The following CALN1 variants were observed in gnomAD, a reference collection of about 807,000 sequenced individuals.
CALN1 encodes calcium-binding protein 8.
In CALN1, 17 loss-of-function variants were observed where a neutral mutation model predicts 30.6. The ratio of observed to expected loss-of-function variants is 0.56; its 90% CI spans 0.38 to 0.83. CALN1 has a LOEUF of 0.83. Among genes scored for constraint, CALN1 ranks in the 40% least tolerant of loss-of-function variants. The pLI is 0.00. For missense variants in CALN1, 291 were observed against 354.9 expected, an observed-to-expected ratio of 0.82 and a Z score of 1.45; for synonymous variants, 156 against 131.4, an observed-to-expected ratio of 1.19 and a Z score of -1.28.
chr7:71,961,234 C>G (rs1797233132), intron 5 of CALN1, among the ~76,000 whole-genome samples: 1 of 152,202 alleles, frequency 6.6e-6, no homozygotes, highest in South Asian at 2.1e-4. Flanking sequence ...CATTTATTCA[C>G]AATGCCAGGA....
chr7:72,441,685 G>C (rs1808350088), intron 1 of CALN1, among the ~76,000 whole-genome samples: 1 of 151,816 alleles, frequency 6.6e-6, no homozygotes, highest in Non-Finnish European at 1.5e-5. Context: ...GTACAAACAG[G>C]GCGAATCGTC....
intron 5 of CALN1, among the ~76,000 whole-genome samples, chr7:71,896,527 G>A (rs553861440): frequency 1.3e-5 from 2 of 152,272 alleles, no homozygotes; most frequent in East Asian, 1.9e-4. Flanking sequence ...AATAAACACC[G>A]AAATTAGATG....
chr7:72,440,123 T>C (rs68012311), intron 1 of CALN1, among the ~76,000 whole-genome samples: 45,502 of 152,052 alleles, frequency 0.3, 7,644 homozygotes, highest in African/African-American at 0.45. Context: ...ATTCCCAAAA[T>C]AGTTTAAAAC....
intron 2 of CALN1, among the ~76,000 whole-genome samples, chr7:72,319,630 T>A (rs1800733155): frequency 6.6e-6 from 1 of 152,172 alleles, no homozygotes. Context: ...GGCCATTATC[T>A]GTAAGTGAAA....
intron 3 of CALN1, among the ~76,000 whole-genome samples, chr7:72,209,103 A>C (rs1297464493): frequency 2.0e-5 from 2 of 101,774 alleles, no homozygotes; most frequent in African/African-American, 4.0e-5. Context: ...TTCTTGTGTC[A>C]TTTCTCTCTT....
intron 1 of CALN1, among the ~76,000 whole-genome samples, chr7:72,434,347 CCAAAAAAAAAAAAAA>C (rs1808069972): frequency 6.9e-6 from 1 of 144,332 alleles, no homozygotes; most frequent in South Asian, 2.2e-4. Context: ...TACTAAAATA[CCAAAAAAAAAAAAAA>C]CAAAAAAAAA....
intron 4 of CALN1, among the ~76,000 whole-genome samples, chr7:72,043,443 TAG>T (rs1802258398): frequency 6.6e-6 from 1 of 152,134 alleles, no homozygotes. Flanking sequence ...CACTTTACAT[TAG>T]AATGAAAAAT....
intron 3 of CALN1, among the ~76,000 whole-genome samples, chr7:72,119,541 C>G (rs904183458): frequency 1.3e-5 from 2 of 151,582 alleles, no homozygotes; most frequent in South Asian, 4.2e-4. Flanking sequence ...AGAGCTAACC[C>G]TACATAGGAT....
rs558377203 is a variant in CALN1 at position 72,100,976 on chromosome 7, T to C, written c.388+5175A>G. 4.6e-5 allele frequency among the ~76,000 whole-genome samples: 7 copies of C among 152,130 alleles called. No individual in the cohort carries two copies. In the South Asian group the frequency reaches 1.0e-3, roughly 23 times the overall value. On this transcript the variant is annotated intron_variant, in intron 4 of 6. Coordinates refer to ENST00000395275, the MANE Select transcript of CALN1 (RefSeq NM_031468.4). ...CTAGGATTTTTGTTTGTTTTGTTTG[T>C]TTTTTGAGACGGAGTCTTGCTTTGT...
intron 2 of CALN1, among the ~76,000 whole-genome samples, chr7:72,290,374 A>G (rs1270656061): frequency 4.6e-5 from 7 of 152,216 alleles, no homozygotes; most frequent in African/African-American, 1.7e-4. Context: ...CTGAATCCCC[A>G]GATCACAGCT....
At chr7:71,823,382 C>T (rs977783613) in intron 5 of CALN1, among the ~76,000 whole-genome samples, 10 of 152,016 alleles carry the variant, frequency 6.6e-5, no homozygotes, top group South Asian at 2.1e-4. Context: ...TCTGTTCTCA[C>T]GCTGCAAATA....
chr7:72,091,330 C>G (rs537899793), intron 4 of CALN1, among the ~76,000 whole-genome samples: 35 of 152,102 alleles, frequency 2.3e-4, no homozygotes, highest in Non-Finnish European at 2.6e-4. Context: ...GACTCCGTCT[C>G]AAACAGACAA....
chr7:71,944,831 A>G (rs1796325482), intron 5 of CALN1, among the ~76,000 whole-genome samples: 1 of 152,182 alleles, frequency 6.6e-6, no homozygotes, highest in Non-Finnish European at 1.5e-5. Flanking sequence ...ATTGGCTACC[A>G]ATGTGGTACC....
intron 2 of CALN1, among the ~76,000 whole-genome samples, chr7:72,327,376 C>T (rs1485962156): frequency 1.3e-5 from 2 of 152,316 alleles, no homozygotes; most frequent in Non-Finnish European, 1.5e-5. Context: ...TTAGTCCCAG[C>T]TACTCAGGAG....
intron 3 of CALN1, among the ~76,000 whole-genome samples, chr7:72,186,297 T>C (rs972598671): frequency 6.6e-6 from 1 of 151,952 alleles, no homozygotes; most frequent in African/African-American, 2.4e-5. Context: ...AGGAACCGAA[T>C]GGACAGGTGG....
intron 2 of CALN1, among the ~76,000 whole-genome samples, chr7:72,349,934 T>C (rs1275924698): frequency 1.3e-5 from 2 of 152,236 alleles, no homozygotes; most frequent in Non-Finnish European, 2.9e-5. Context: ...TGCTCTTTAG[T>C]TGAATTAGGT....
intron 3 of CALN1, among the ~76,000 whole-genome samples, chr7:72,180,813 C>T (rs1585105601): frequency 1.3e-5 from 2 of 151,702 alleles, no homozygotes; most frequent in East Asian, 3.9e-4. Context: ...AGATTTGGTA[C>T]CTGGCCAAGC....
At chr7:72,300,164 G>A (rs1056799670) in intron 2 of CALN1, among the ~76,000 whole-genome samples, 23 of 152,034 alleles carry the variant, frequency 1.5e-4, no homozygotes, top group Admixed American at 7.9e-4. Flanking sequence ...ACAGGCATGA[G>A]CCACCATGCC....
intron 3 of CALN1, among the ~76,000 whole-genome samples, chr7:72,106,877 A>AAAAAAGGAAAGAAGAAAG (rs1431964381): frequency 6.9e-6 from 1 of 145,220 alleles, no homozygotes; most frequent in East Asian, 2.0e-4. Flanking sequence ...GGAAGGAAGG[A>AAAAAAGGAAAGAAGAAAG]AAAAAGGAAA....
Sources: allele counts gnomAD v4.1 joint callset (sites outside exome capture counted in the v4.1 genomes callset), GRCh38; gene constraint gnomAD v4.1.1; transcripts MANE v1.5; gene names NCBI Gene and HGNC (gene_info 2026-07-23, HGNC 2026-07-21).